ARHGEF18: variants seen among roughly 807,000 people sequenced by gnomAD.
ARHGEF18 encodes Rho/Rac guanine nucleotide exchange factor 18, also known as rho guanine nucleotide exchange factor 18.
ARHGEF18 carries 93 observed loss-of-function variants against 155.7 expected under a neutral mutation model. The observed-to-expected ratio is 0.60, with a 90% CI of 0.50 to 0.71. ARHGEF18 has a LOEUF of 0.71. Ranked by LOEUF, ARHGEF18 falls within the 30% of genes least tolerant of loss-of-function variation. The pLI, the probability that ARHGEF18 is intolerant of heterozygous loss-of-function variation, is 0.00. For synonymous variants in ARHGEF18, 742 were observed against 753.1 expected, an observed-to-expected ratio of 0.99 and a Z score of 0.24; for missense variants, 1,593 against 1,816.1, an observed-to-expected ratio of 0.88 and a Z score of 2.23.
intron 10 of ARHGEF18, among the ~76,000 whole-genome samples, chr19:7,394,506 G>C (rs574025863): frequency 6.6e-6 from 1 of 152,092 alleles, no homozygotes; most frequent in South Asian, 2.1e-4. Flanking sequence ...GGCATCCGTT[G>C]ATTCTTCCAA....
chr19:7,411,196 G>A (rs1463133625), intron 10 of ARHGEF18, among the ~76,000 whole-genome samples: 1 of 151,948 alleles, frequency 6.6e-6, no homozygotes, highest in Non-Finnish European at 1.5e-5. Flanking sequence ...TAAAAATGAA[G>A]TTGCACACCA....
At chr19:7,419,865 G>A (rs1376120384) in intron 10 of ARHGEF18, among the ~76,000 whole-genome samples, 4 of 150,088 alleles carry the variant, frequency 2.7e-5, no homozygotes, top group Non-Finnish European at 5.9e-5. Context: ...AAAGCTGCCT[G>A]GAGTGGAAGC....
At chr19:7,410,607 C>T (rs528936474) in intron 10 of ARHGEF18, among the ~76,000 whole-genome samples, 23 of 151,754 alleles carry the variant, frequency 1.5e-4, no homozygotes, top group East Asian at 1.9e-4. Flanking sequence ...GTCAGGAGTT[C>T]GAGACCAGCC....
chr19:7,378,912 C>T (rs1011497700), intron 6 of ARHGEF18, among the ~76,000 whole-genome samples: 2 of 151,836 alleles, frequency 1.3e-5, no homozygotes, highest in African/African-American at 2.4e-5. Context: ...AGGCTGGTCT[C>T]GAACCCCTGA....
intron 10 of ARHGEF18, among the ~76,000 whole-genome samples, chr19:7,384,466 G>C (rs549546665): frequency 6.6e-6 from 1 of 152,276 alleles, no homozygotes; most frequent in East Asian, 1.9e-4. Flanking sequence ...TGCCTTGCAG[G>C]TTTTGCATTT....
At position 7,470,690 on chromosome 19, in the gene ARHGEF18, G is replaced by A; in HGVS notation, c.*392G>A. On this transcript the variant is annotated 3_prime_UTR_variant, in exon 29 of 29. Coordinates refer to ENST00000668164, the MANE Select transcript of ARHGEF18 (RefSeq NM_001367823.1). This position sits in a 1 kb window ranked among gnomAD's most constrained non-coding sequence, Gnocchi z 5.9. Reference sequence around the variant, plus strand: ...TCTGCACGGAGCTGAGGACAGGACAGACCTTGCTTTGAGAAGGAGCTGCCG... The same window carrying A: ...TCTGCACGGAGCTGAGGACAGGACAAACCTTGCTTTGAGAAGGAGCTGCCG... The A allele has an allele frequency of 2.5e-6, 1 of 399,916 alleles. No individual in the cohort carries two copies. Among genetic ancestry groups the A allele is most frequent in the Non-Finnish European group, 4.4e-6 (1 of 225,822 alleles). The allele number at this position is 399,916 out of a possible 1,614,324, so 24.8% of individuals were successfully genotyped here.
chr19:7,447,063 G>T lies in ARHGEF18; in HGVS notation c.1632G>T (p.Glu544Asp), dbSNP rs775135579. The T allele has an allele frequency of 2.5e-6, 4 of 1,613,222 alleles. No individual in the cohort carries two copies. Among genetic ancestry groups the T allele is most frequent in the Non-Finnish European group, 3.4e-6 (4 of 1,179,818 alleles). ...LVQQFSGENG[E>D]RMKEKYGVFC... ...ATCAGTTTTCAGGTGAAAATGGGGAGAGAATGAAAGAAAAGTACGGTGTGT... is the reference window on the plus strand; with the variant it reads ...ATCAGTTTTCAGGTGAAAATGGGGATAGAATGAAAGAAAAGTACGGTGTGT... The change falls in exon 15 of 29, where the codon GAG (glutamate) becomes GAT (aspartate). Residue 544 changes from glutamate to aspartate, a missense_variant. Glu to Asp is a conservative substitution (Grantham distance 45). Coordinates refer to ENST00000668164, the MANE Select transcript of ARHGEF18 (RefSeq NM_001367823.1).
chr19:7,377,785 CAAAAAA>C (rs60336111), intron 5 of ARHGEF18, among the ~76,000 whole-genome samples: 1 of 103,742 alleles, frequency 9.6e-6, no homozygotes, highest in East Asian at 3.0e-4. Flanking sequence ...GAAACCGTCT[CAAAAAA>C]AAAAAAAAAA....
chr19:7,440,290 T>G lies in ARHGEF18; in HGVS notation c.968-54T>G. 6.3e-7 allele frequency: 1 copy of G among 1,578,074 alleles called. No individual in the cohort carries two copies. Among genetic ancestry groups the G allele is most frequent in the Non-Finnish European group, 8.6e-7 (1 of 1,162,472 alleles). On this transcript the variant is annotated intron_variant, in intron 10 of 28. Coordinates refer to ENST00000668164, the MANE Select transcript of ARHGEF18 (RefSeq NM_001367823.1). This position sits in a 1 kb window ranked among gnomAD's most constrained non-coding sequence, Gnocchi z 5.4. Reference sequence around the variant, plus strand: ...GAGCGGGGCTTCCGCGCCGGGGACCTCCGCTACCCGACCCACTTTCTCAGC... The same window carrying G: ...GAGCGGGGCTTCCGCGCCGGGGACCGCCGCTACCCGACCCACTTTCTCAGC...
chr19:7,467,464 G>C lies in ARHGEF18; in HGVS notation c.3260G>C (p.Arg1087Pro). The C allele has an allele frequency of 6.7e-7, 1 of 1,496,280 alleles. No homozygotes were observed. The highest frequency in any genetic ancestry group is 2.6e-5 in the East Asian group (1 of 38,960). The allele number at this position is 1,496,280 out of a possible 1,614,324, so 92.7% of individuals were successfully genotyped here. Residue 1087 changes from arginine (R) to proline (P), a missense_variant, in exon 26 of 29, where the codon CGG (arginine) becomes CCG (proline). Physicochemically the swap from Arg to Pro is moderately radical, Grantham distance 103. Transcript: ENST00000668164. ...CAGGAGCTGGAGCGTGCGGGCGCGC[G>C]GCTGCAGGAGCGCGAGGGCGAGGCG... ...QHQELERAGA[R>P]LQEREGEARQ...
At chr19:7,373,319 C>T (rs1350780374) in intron 3 of ARHGEF18, among the ~76,000 whole-genome samples, 1 of 152,134 alleles carries the variant, frequency 6.6e-6, no homozygotes, top group Non-Finnish European at 1.5e-5. Context: ...CGTTGTAATA[C>T]ATAATGAAAT....
At chr19:7,411,769 C>T (rs564843204) in intron 10 of ARHGEF18, among the ~76,000 whole-genome samples, 63 of 152,224 alleles carry the variant, frequency 4.1e-4, no homozygotes, top group African/African-American at 1.4e-3. Context: ...TCTCCATCCC[C>T]CTCCCCAGCC....
At chr19:7,461,776 C>T (rs192479805) in intron 20 of ARHGEF18, among the ~76,000 whole-genome samples, 13 of 152,174 alleles carry the variant, frequency 8.5e-5, no homozygotes, top group South Asian at 2.1e-4. Context: ...TGGGCTCAAG[C>T]GATCCTCCTG....
intron 6 of ARHGEF18, 129 bp from the exon 7 acceptor site, chr19:7,378,993 G>A (rs1970598525): frequency 6.6e-6 from 5 of 757,926 alleles, no homozygotes; most frequent in Non-Finnish European, 8.9e-6. Flanking sequence ...GTGCCCGGCT[G>A]ACTGTGGCTT....
At chr19:7,363,729 T>A (rs1386243975) in intron 2 of ARHGEF18, among the ~76,000 whole-genome samples, 1 of 125,136 alleles carries the variant, frequency 8.0e-6, no homozygotes, top group African/African-American at 3.1e-5. Context: ...GAAAGATGGA[T>A]GGGTGAAAGG....
intron 10 of ARHGEF18, among the ~76,000 whole-genome samples, chr19:7,423,339 C>T (rs1973469929): frequency 6.6e-6 from 1 of 152,136 alleles, no homozygotes; most frequent in Admixed American, 6.6e-5. Flanking sequence ...ATTGTCCCAA[C>T]AGTCCTGTGA....
chr19:7,398,703 A>AG (rs72027162), intron 10 of ARHGEF18, among the ~76,000 whole-genome samples: 10 of 150,268 alleles, frequency 6.7e-5, no homozygotes, highest in African/African-American at 2.5e-4. Flanking sequence ...AAAAAAAAAA[A>AG]AAAATAAAGA....
At position 7,447,215 on chromosome 19, in the gene ARHGEF18, G is replaced by A. The variant is rs778649086; in HGVS notation, c.1737+47G>A. 6.2e-5 allele frequency: 95 copies of A among 1,536,988 alleles called. 2 individuals carry two copies. In the South Asian group the frequency reaches 1.0e-3, roughly 17 times the overall value. On this transcript the variant is annotated intron_variant, in intron 15 of 28. Transcript: ENST00000668164. ...AATCAAAAACTTATATTCTGGCCGG[G>A]CGCAGTGGCTCACGCCTGTAATCCC...
chr19:7,391,509 G>A (rs376316125), intron 10 of ARHGEF18, among the ~76,000 whole-genome samples: 1 of 151,878 alleles, frequency 6.6e-6, no homozygotes, highest in South Asian at 2.1e-4. Flanking sequence ...CGGACTCCAC[G>A]GCCCAGTCAC....
Sources: gnomAD v4.1 joint callset for allele counts (sites outside exome capture counted in the v4.1 genomes callset) on GRCh38, gnomAD v4.1.1 for gene constraint, Gnocchi (gnomAD v3.1) non-coding constraint, MANE v1.5 for transcripts, NCBI Gene and HGNC (gene_info 2026-07-23, HGNC 2026-07-21) for gene names.